CILK1: variants seen among roughly 807,000 people sequenced by gnomAD.
The protein encoded by CILK1 is serine/threonine-protein kinase ICK.
In CILK1, 47 loss-of-function variants were observed where a neutral mutation model predicts 79.2. The ratio of observed to expected loss-of-function variants is 0.59; its 90% confidence interval spans 0.47 to 0.76. The LOEUF (loss-of-function observed/expected upper bound fraction) is 0.76, where lower values mean the gene tolerates loss of function less well. CILK1 is among the 30% of genes least tolerant of loss of function. The pLI is 0.00. For synonymous variants in CILK1, 266 were observed against 275.9 expected, an observed-to-expected ratio of 0.96 and a Z score of 0.36; for missense variants, 660 against 769.5, an observed-to-expected ratio of 0.86 and a Z score of 1.68.
At chr6:53,058,444 G>T (rs1768100752) in intron 1 of CILK1, among the ~76,000 whole-genome samples, 1 of 152,118 alleles carries the variant, frequency 6.6e-6, no homozygotes, top group Non-Finnish European at 1.5e-5. Flanking sequence ...TAGAACACAT[G>T]TGCTTTTATA....
intron 8 of CILK1, among the ~76,000 whole-genome samples, chr6:53,015,359 A>C (rs1180126548): frequency 1.3e-5 from 2 of 152,188 alleles, no homozygotes; most frequent in Non-Finnish European, 2.9e-5. Context: ...ATTTAAGTCT[A>C]AGTGGCCCAT....
At position 53,011,823 on chromosome 6, in the gene CILK1, T is replaced by A; in HGVS notation, c.1438A>T (p.Thr480Ser). ...TGCTGCTTGGCTGCAGATCTCAGGG[T>A]GGGCGTGTCTCGCCGCTGATATGAC... ...QTSYQRRDTP[T>S]LRSAAKQHYL... is the part of the protein sequence containing the mutation. The change falls in exon 11 of 14, where the codon ACC becomes TCC. Residue 480 changes from threonine (T) to serine (S), a missense_variant. Physicochemically the swap from Thr to Ser is moderately conservative, Grantham distance 58. Coordinates refer to ENST00000676107, the MANE Select transcript of CILK1 (RefSeq NM_014920.5). The A allele has an allele frequency of 6.2e-7, 1 of 1,614,142 alleles. No individual in the cohort carries two copies. Among genetic ancestry groups the A allele is most frequent in the Non-Finnish European group, 8.5e-7 (1 of 1,180,022 alleles).
chr6:53,059,905 C>CTAAG (rs1451590982), intron 1 of CILK1, among the ~76,000 whole-genome samples: 1 of 152,132 alleles, frequency 6.6e-6, no homozygotes, highest in Non-Finnish European at 1.5e-5. Context: ...TGAGAGCTTA[C>CTAAG]TAAGAGTCAG....
intron 4 of CILK1, among the ~76,000 whole-genome samples, chr6:53,031,529 AGAG>A (rs949845204): frequency 5.9e-5 from 9 of 152,320 alleles, no homozygotes; most frequent in Non-Finnish European, 1.2e-4. Flanking sequence ...CAGATCACTC[AGAG>A]GAGTACTGTG....
intron 5 of CILK1, among the ~76,000 whole-genome samples, chr6:53,019,627 G>A (rs186424712): frequency 6.6e-6 from 1 of 152,112 alleles, no homozygotes; most frequent in Admixed American, 6.5e-5. Context: ...ATATCAAACT[G>A]GATTATAGGC....
intron 1 of CILK1, among the ~76,000 whole-genome samples, chr6:53,050,760 G>A (rs1229708394): frequency 2.0e-5 from 3 of 151,756 alleles, no homozygotes; most frequent in East Asian, 1.9e-4. Context: ...TCTGGGAGGC[G>A]GAGGTTGCAG....
chr6:53,005,430 T>C, intron 13 of CILK1, 127 bp from the exon 14 acceptor site: 1 of 1,042,146 alleles, frequency 9.6e-7, no homozygotes, highest in Non-Finnish European at 1.5e-6. Context: ...TGTCTCCTAC[T>C]TATAATCTTC....
chr6:53,014,721 G>C (rs1419420065), intron 8 of CILK1, among the ~76,000 whole-genome samples: 1 of 152,094 alleles, frequency 6.6e-6, no homozygotes, highest in Non-Finnish European at 1.5e-5. Flanking sequence ...GGAATAGCCT[G>C]GTAGAGGTCC....
intron 2 of CILK1, 105 bp downstream of exon 2, chr6:53,041,031 G>T: frequency 1.3e-6 from 1 of 798,392 alleles, no homozygotes. Context: ...ATTATCTAAG[G>T]TTCTTCTCTA....
chr6:53,019,382 G>T, intron 5 of CILK1, 23 bp from the exon 6 acceptor site: 1 of 1,613,624 alleles, frequency 6.2e-7, no homozygotes, highest in Non-Finnish European at 8.5e-7. Flanking sequence ...TAGAGGAGAA[G>T]AAATCCAAAT....
chr6:53,056,331 G>A (rs1015446185), intron 1 of CILK1, among the ~76,000 whole-genome samples: 4 of 152,198 alleles, frequency 2.6e-5, no homozygotes, highest in Non-Finnish European at 5.9e-5. Flanking sequence ...GGATAAGCAC[G>A]TTTTTTCTGT....
rs142348117 is a variant in CILK1 at position 53,030,945 on chromosome 6, C to T, written c.358+120G>A. The T allele has an allele frequency of 5.2e-4, 377 of 724,686 alleles. 2 individuals carry two copies. The African/African-American group carries it at 5.9e-3, about 11-fold the overall frequency. 44.9% of individuals were successfully genotyped at this position (724,686 alleles called of 1,614,324 possible). A position where few individuals can be genotyped will look rare whatever the true frequency, so the allele number is the denominator to read the frequency against. Reference sequence around the variant, plus strand: ...ATATATTTTAAAATCCATTGTCAGCCTCTCAACTCTTCAACCTTTTCTGGG... The same window carrying T: ...ATATATTTTAAAATCCATTGTCAGCTTCTCAACTCTTCAACCTTTTCTGGG... On this transcript the variant is annotated intron_variant, in intron 5 of 13. Transcript: ENST00000676107.
intron 8 of CILK1, among the ~76,000 whole-genome samples, chr6:53,014,953 A>G (rs923936409): frequency 4.6e-5 from 7 of 152,194 alleles, no homozygotes; most frequent in African/African-American, 1.4e-4. Flanking sequence ...CCCTGCAGCC[A>G]TTTGTGAATT....
chr6:53,018,575 C>T, intron 6 of CILK1, 74 bp from the exon 7 acceptor site: 4 of 1,414,570 alleles, frequency 2.8e-6, no homozygotes, highest in Admixed American at 1.7e-5. Flanking sequence ...AATCAGTTCT[C>T]AGTGAGGGGG....
chr6:53,046,858 GGAGA>G (rs1043940895), intron 1 of CILK1, among the ~76,000 whole-genome samples: 1 of 152,284 alleles, frequency 6.6e-6, no homozygotes, highest in Admixed American at 6.5e-5. Flanking sequence ...CTTGGGAGGA[GGAGA>G]GAGATCTGAC....
chr6:53,046,433 T>C (rs933706243), intron 1 of CILK1, among the ~76,000 whole-genome samples: 43 of 152,214 alleles, frequency 2.8e-4, no homozygotes, highest in African/African-American at 1.0e-3. Context: ...CTGGGAAAGC[T>C]ATCTGTGAAA....
At chr6:53,026,514 C>G (rs1765592691) in intron 5 of CILK1, among the ~76,000 whole-genome samples, 4 of 152,314 alleles carry the variant, frequency 2.6e-5, no homozygotes, top group South Asian at 4.1e-4. Flanking sequence ...AACAGTACTA[C>G]TATTAACACA....
At chr6:53,043,937 G>A (rs1229300418) in intron 1 of CILK1, among the ~76,000 whole-genome samples, 2 of 151,968 alleles carry the variant, frequency 1.3e-5, no homozygotes, top group African/African-American at 4.8e-5. Flanking sequence ...GAGAAAAGTA[G>A]GTGTTTTGTA....
intron 1 of CILK1, among the ~76,000 whole-genome samples, chr6:53,060,353 C>A (rs1399612327): frequency 6.6e-6 from 1 of 152,202 alleles, no homozygotes; most frequent in Non-Finnish European, 1.5e-5. Context: ...CTCCAGCACA[C>A]CCCTCCACCA....
Sources: gnomAD v4.1 joint callset for allele counts (sites outside exome capture counted in the v4.1 genomes callset) on GRCh38, gnomAD v4.1.1 for gene constraint, MANE v1.5 for transcripts, NCBI Gene and HGNC (gene_info 2026-07-23, HGNC 2026-07-21) for gene names.